SIPA1L2: variants seen among roughly 807,000 people sequenced by gnomAD.
SIPA1L2 encodes the protein signal-induced proliferation-associated 1-like protein 2.
In SIPA1L2, 56 loss-of-function variants were observed where a neutral mutation model predicts 163.9. That is an observed-to-expected ratio of 0.34 (90% CI 0.28 to 0.43). The LOEUF (loss-of-function observed/expected upper bound fraction) is 0.43. SIPA1L2 is among the 20% of genes least tolerant of loss of function. SIPA1L2 has a pLI of 1.00. For synonymous variants in SIPA1L2, 877 were observed against 865.7 expected (o/e 1.01, Z -0.23); for missense variants, 1,974 against 2,193.5 (o/e 0.90, Z 2.00).
chr1:232,488,807 A>AGAC (rs1244106155), intron 5 of SIPA1L2, among the ~76,000 whole-genome samples: 1 of 152,214 alleles, frequency 6.6e-6, no homozygotes, highest in African/African-American at 2.4e-5. Flanking sequence ...ATTCGAAAGG[A>AGAC]GCTTGCACTT....
At chr1:232,414,616 T>C (rs1281622351) in intron 19 of SIPA1L2, among the ~76,000 whole-genome samples, 1 of 151,466 alleles carries the variant, frequency 6.6e-6, no homozygotes, top group Non-Finnish European at 1.5e-5. Context: ...AGTTACACCA[T>C]GAGAGTCTCA....
chr1:232,422,775 TC>T lies in SIPA1L2; in HGVS notation c.4630+2813del, dbSNP rs565431382. 6.6e-5 allele frequency among the ~76,000 whole-genome samples: 10 copies of T among 152,310 alleles called. No homozygotes were observed. In the South Asian group the frequency reaches 2.1e-3, roughly 32 times the overall value. ...GAAACTACTGGGCAACTTCAAATAT[TC>T]CTCATTTCTCGCTCAAAGACATCTT... On this transcript the variant is annotated intron_variant, in intron 18 of 22. Transcript: ENST00000674635.
intron 7 of SIPA1L2, among the ~76,000 whole-genome samples, chr1:232,473,297 A>ACAG (rs544448059): frequency 2.0e-5 from 3 of 152,240 alleles, no homozygotes; most frequent in Non-Finnish European, 4.4e-5. Flanking sequence ...ACTACAAAAC[A>ACAG]CAGCAGTTCA....
At chr1:232,411,506 T>C (rs940981844) in intron 19 of SIPA1L2, among the ~76,000 whole-genome samples, 2 of 152,214 alleles carry the variant, frequency 1.3e-5, no homozygotes, top group Non-Finnish European at 2.9e-5. Flanking sequence ...TGGATCAAAT[T>C]TGCTATTGGT....
chr1:232,438,768 T>C (rs1004067709), intron 15 of SIPA1L2, among the ~76,000 whole-genome samples: 1 of 152,196 alleles, frequency 6.6e-6, no homozygotes, highest in Admixed American at 6.5e-5. Context: ...GGTCTGAAGA[T>C]TAGTGAGTGC....
chr1:232,401,902 A>G (rs1660364973), intron 22 of SIPA1L2, among the ~76,000 whole-genome samples: 1 of 152,240 alleles, frequency 6.6e-6, no homozygotes, highest in Non-Finnish European at 1.5e-5. Context: ...AACAGAGCTC[A>G]GCCAAGTATT....
At position 232,536,224 on chromosome 1, in the gene SIPA1L2, C is replaced by A. The variant is rs543392666; in HGVS notation, c.-269-20616G>T. 7.2e-5 allele frequency among the ~76,000 whole-genome samples: 11 copies of A among 152,354 alleles called. No homozygotes were observed. The East Asian group carries it at 2.1e-3, about 29-fold the overall frequency. On this transcript the variant is annotated intron_variant, in intron 2 of 22. Coordinates refer to ENST00000674635, the MANE Select transcript of SIPA1L2 (RefSeq NM_020808.5). The stretch of plus-strand genomic sequence containing the variant: ...CCATTCCAGCTTGGGCCTGAGGCAT[C>A]TCTCGCCTCTCTCCCGAAATCCTTC...
rs371493513 is a variant in SIPA1L2 at position 232,439,296 on chromosome 1, C to T, written c.3843G>A (p.Val1281=). 62 of 1,614,052 alleles carry T rather than the reference C, an allele frequency of 3.8e-5. No homozygotes were observed. In the Middle Eastern group the frequency reaches 1.2e-3, roughly 30 times the overall value. The change falls in exon 15 of 23, where the codon GTG becomes GTA. Residue 1281 remains valine, a synonymous_variant. Coordinates refer to ENST00000674635, the MANE Select transcript of SIPA1L2 (RefSeq NM_020808.5). ...TCAGGGACCTGCTGCCTGCCAGGTG[C>T]ACAGGGCCGAGGATGGTGGCAGGCA... is the stretch of plus-strand genomic sequence containing the variant. ...PCMPATILGP[V]HLAGSRSLIH...
chr1:232,412,091 T>C lies in SIPA1L2; in HGVS notation c.4762+3403A>G, dbSNP rs149404070. Among the ~76,000 whole-genome samples, 155 of 152,356 alleles carry C rather than the reference T, an allele frequency of 1.0e-3. No homozygotes were observed. The East Asian group carries it at 0.013, about 13-fold the overall frequency. On this transcript the variant is annotated intron_variant, in intron 19 of 22. Transcript: ENST00000674635. ...AAGTAGTCATGATTTGACAGCTTAA[T>C]TTGGTGCCTCTGCTCTAAATTGGTA...
intron 2 of SIPA1L2, among the ~76,000 whole-genome samples, chr1:232,542,224 A>G (rs1657728921): frequency 6.6e-6 from 1 of 152,236 alleles, no homozygotes; most frequent in South Asian, 2.1e-4. Flanking sequence ...TTAAATAATT[A>G]TTAATTTAGT....
chr1:232,520,680 TA>T (rs111484021), intron 2 of SIPA1L2, among the ~76,000 whole-genome samples: 2 of 151,826 alleles, frequency 1.3e-5, no homozygotes, highest in East Asian at 1.9e-4. Flanking sequence ...ATAACTATAG[TA>T]AAAAAAATGC....
At chr1:232,476,413 T>C (rs1479718460) in intron 7 of SIPA1L2, among the ~76,000 whole-genome samples, 1 of 152,216 alleles carries the variant, frequency 6.6e-6, no homozygotes, top group Non-Finnish European at 1.5e-5. Flanking sequence ...TGCCAGGCAC[T>C]GAGGCACCTC....
chr1:232,610,492 C>T (rs1056250526), intron 1 of SIPA1L2, among the ~76,000 whole-genome samples: 2 of 152,228 alleles, frequency 1.3e-5, no homozygotes, highest in East Asian at 3.8e-4. Flanking sequence ...ATGTGCCTTA[C>T]TTATTTATGT....
chr1:232,620,991 A>T (rs1233072351), intron 1 of SIPA1L2, among the ~76,000 whole-genome samples: 1 of 152,240 alleles, frequency 6.6e-6, no homozygotes, highest in Non-Finnish European at 1.5e-5. Context: ...ATTCACATTC[A>T]ACTGGCTTAA....
intron 18 of SIPA1L2, among the ~76,000 whole-genome samples, chr1:232,418,621 G>A (rs1335753958): frequency 1.3e-5 from 2 of 152,318 alleles, no homozygotes; most frequent in South Asian, 2.1e-4. Context: ...AATGGCTCTC[G>A]GATCTGAGAT....
At chr1:232,534,757 C>T (rs1032542627) in intron 2 of SIPA1L2, among the ~76,000 whole-genome samples, 1 of 152,140 alleles carries the variant, frequency 6.6e-6, no homozygotes, top group African/African-American at 2.4e-5. Flanking sequence ...AAGGGTGAGT[C>T]CTTTGGTGCT....
intron 4 of SIPA1L2, among the ~76,000 whole-genome samples, chr1:232,492,215 CTG>C (rs532783055): frequency 2.0e-4 from 31 of 152,222 alleles, no homozygotes; most frequent in Admixed American, 4.6e-4. Flanking sequence ...GAAAAGGGCT[CTG>C]TGTTTTCTCT....
At chr1:232,472,729 G>A (rs182206341) in intron 7 of SIPA1L2, among the ~76,000 whole-genome samples, 3 of 152,272 alleles carry the variant, frequency 2.0e-5, no homozygotes, top group Admixed American at 2.0e-4. Context: ...GAAAGACCAC[G>A]ACCTTACCCT....
intron 6 of SIPA1L2, among the ~76,000 whole-genome samples, chr1:232,480,207 C>G (rs1279056473): frequency 2.0e-5 from 3 of 148,652 alleles, no homozygotes; most frequent in Non-Finnish European, 4.5e-5. Flanking sequence ...ACAGTTAATT[C>G]TTAGTTATTC....
Sources: gnomAD v4.1 joint callset for allele counts (sites outside exome capture counted in the v4.1 genomes callset) on GRCh38, gnomAD v4.1.1 for gene constraint, MANE v1.5 for transcripts, NCBI Gene and HGNC (gene_info 2026-07-23, HGNC 2026-07-21) for gene names.